The following SLC39A12 variants were observed in gnomAD, a reference collection of about 807,000 sequenced individuals.
SLC39A12 encodes the protein solute carrier family 39 member 12.
A neutral mutation model predicts 71.1 loss-of-function variants in SLC39A12; 63 were observed. The ratio of observed to expected loss-of-function variants is 0.89; its 90% CI spans 0.72 to 1.09. SLC39A12 has a LOEUF of 1.09. Among genes scored for constraint, SLC39A12 ranks in the 50% least tolerant of loss-of-function variants. SLC39A12 has a pLI of 0.00. For synonymous variants in SLC39A12, 351 were observed against 301.3 expected (o/e 1.16, Z -1.71); for missense variants, 892 against 812.6 (o/e 1.10, Z -1.19).
chr10:18,042,208 G>T (rs1217739502), intron 12 of SLC39A12, among the ~76,000 whole-genome samples: 6 of 152,114 alleles, frequency 3.9e-5, no homozygotes, highest in Non-Finnish European at 8.8e-5. Context: ...CAGGTGCAGT[G>T]GCTCACGCCT....
intron 4 of SLC39A12, among the ~76,000 whole-genome samples, chr10:17,970,224 T>C (rs143800556): frequency 3.2e-4 from 48 of 152,246 alleles, no homozygotes; most frequent in Admixed American, 5.2e-4. Flanking sequence ...GTAACGTGAT[T>C]CCTCTAGTTT....
chr10:17,999,801 C>T (rs1835782243), intron 10 of SLC39A12, among the ~76,000 whole-genome samples: 1 of 152,132 alleles, frequency 6.6e-6, no homozygotes, highest in Admixed American at 6.5e-5. Context: ...GGTCGTGGTT[C>T]CGTTGAAGTC....
chr10:18,020,829 C>T (rs1040489833), intron 12 of SLC39A12, among the ~76,000 whole-genome samples: 1 of 151,916 alleles, frequency 6.6e-6, no homozygotes, highest in African/African-American at 2.4e-5. Flanking sequence ...TTGTTTCTTG[C>T]TTGTTAATTT....
chr10:17,983,786 A>T (rs1444602168), intron 6 of SLC39A12, among the ~76,000 whole-genome samples: 1 of 152,146 alleles, frequency 6.6e-6, no homozygotes, highest in Non-Finnish European at 1.5e-5. Flanking sequence ...CATCTCAAAA[A>T]ACAAAACAAA....
intron 4 of SLC39A12, among the ~76,000 whole-genome samples, chr10:17,973,861 A>G (rs759583131): frequency 2.7e-5 from 4 of 150,930 alleles, no homozygotes; most frequent in South Asian, 4.2e-4. Flanking sequence ...TTTGAGGCCA[A>G]TAACTCAGAT....
chr10:17,996,719 CG>C (rs1178279897), intron 10 of SLC39A12, among the ~76,000 whole-genome samples: 1 of 152,150 alleles, frequency 6.6e-6, no homozygotes, highest in African/African-American at 2.4e-5. Context: ...AATGCACCGG[CG>C]GGCGCGGTGG....
At chr10:17,995,292 A>G (rs112358802) in intron 9 of SLC39A12, among the ~76,000 whole-genome samples, 43 of 152,322 alleles carry the variant, frequency 2.8e-4, no homozygotes, top group African/African-American at 1.0e-3. Context: ...ACAATCCACC[A>G]TACAGGAGAA....
intron 12 of SLC39A12, among the ~76,000 whole-genome samples, chr10:18,029,134 G>A (rs1405675450): frequency 1.3e-5 from 2 of 152,020 alleles, no homozygotes; most frequent in East Asian, 3.9e-4. Flanking sequence ...GCCTCCCAAA[G>A]TGCTGGGATT....
intron 12 of SLC39A12, among the ~76,000 whole-genome samples, chr10:18,012,736 G>A (rs192008889): frequency 2.0e-3 from 302 of 151,990 alleles, no homozygotes; most frequent in Non-Finnish European, 3.5e-3. Context: ...GCGTGGTGGC[G>A]CACACCTGTA....
intron 12 of SLC39A12, among the ~76,000 whole-genome samples, chr10:18,036,790 A>ATTTTTTTTTTTT (rs1464293480): frequency 1.4e-5 from 1 of 69,246 alleles, no homozygotes; most frequent in African/African-American, 6.1e-5. Flanking sequence ...ATATATATAT[A>ATTTTTTTTTTTT]TATATTTTTT....
chr10:17,993,222 C>T lies in SLC39A12; in HGVS notation c.1464C>T (p.His488=), dbSNP rs376476900. 5.6e-5 allele frequency: 87 copies of T among 1,551,680 alleles called. No individual in the cohort carries two copies. The highest frequency in any genetic ancestry group is 3.1e-5 in the Non-Finnish European group (35 of 1,146,962). ...TTAATGGGCACGTGGGTCATTCCCA[C>T]CATCTTGCACTCAACTCTGAATTAA... ...SLVNGHVGHS[H]HLALNSELSD... Residue 488 remains histidine, a synonymous_variant, in exon 9 of 13, where the codon CAC becomes CAT. Coordinates refer to ENST00000377369, the MANE Select transcript of SLC39A12 (RefSeq NM_001145195.2).
intron 11 of SLC39A12, chr10:18,001,827 C>G (rs1382143908): frequency 2.0e-5 from 3 of 151,954 alleles, no homozygotes; most frequent in Non-Finnish European, 4.4e-5. Context: ...TACAAACTAT[C>G]CAATTATACT....
At chr10:18,013,346 T>TTTATTA (rs35228459) in intron 12 of SLC39A12, among the ~76,000 whole-genome samples, 2,758 of 139,788 alleles carry the variant, frequency 0.02, 52 homozygotes, top group South Asian at 0.03. Context: ...TCCAACTTTA[T>TTTATTA]TTATTATTAT....
At chr10:17,996,459 A>G (rs954620452) in intron 10 of SLC39A12, among the ~76,000 whole-genome samples, 1 of 152,204 alleles carries the variant, frequency 6.6e-6, no homozygotes, top group Admixed American at 6.5e-5. Context: ...GTTATGCATC[A>G]TGATTAGTTA....
chr10:18,032,308 A>G (rs921874638), intron 12 of SLC39A12, among the ~76,000 whole-genome samples: 1 of 80,640 alleles, frequency 1.2e-5, no homozygotes, highest in Non-Finnish European at 2.3e-5. Context: ...ATTTGTTTGT[A>G]TCCTCTTTTA....
In SLC39A12 at chr10:17,953,505, A is replaced by G; in HGVS notation, c.229A>G (p.Arg77Gly). 6 of 1,614,196 alleles carry G rather than the reference A, an allele frequency of 3.7e-6. No individual in the cohort carries two copies. The highest frequency in any genetic ancestry group is 4.2e-6 in the Non-Finnish European group (5 of 1,180,046). Residue 77 changes from arginine (R) to glycine (G), a missense_variant, in exon 2 of 13, where the codon AGG becomes GGG. Transcript: ENST00000377369. ...TLLEKTGCPRRRNGMQGDCNL... is the reference protein window; with the variant it reads ...TLLEKTGCPRGRNGMQGDCNL... ...GTTGGAGAAAACTGGGTGCCCACGG[A>G]GGAGAAACGGAATGCAAGGAGATTG...
At chr10:17,968,270 G>A (rs114991951) in intron 4 of SLC39A12, among the ~76,000 whole-genome samples, 3 of 151,770 alleles carry the variant, frequency 2.0e-5, no homozygotes, top group African/African-American at 4.8e-5. Flanking sequence ...TCAATATAAC[G>A]TTAAATAATA....
At position 18,042,851 on chromosome 10, in the gene SLC39A12, C is replaced by T; in HGVS notation, c.*18C>T. 1 of 1,592,420 alleles carries T rather than the reference C, an allele frequency of 6.3e-7. No individual in the cohort carries two copies. The highest frequency in any genetic ancestry group is 8.5e-7 in the Non-Finnish European group (1 of 1,171,324). On this transcript the variant is annotated 3_prime_UTR_variant, in exon 13 of 13. Transcript: ENST00000377369. ...AAATATAAGTGAGGATCTTCAACAT[C>T]TTTCAAAAATGCATTTATATAGTCT...
At position 18,013,346 on chromosome 10, in the gene SLC39A12, T is replaced by TTTTTTATTATTATTATTA. The variant is rs57028037; in HGVS notation, c.1947+9990_1947+9991insTTTATTATTATTATTATT. Reference sequence around the variant, plus strand: ...GGTATTAGGTAAACATCCAACTTTATTTATTATTATTATTATTATTATTAT... The same window carrying TTTTTTATTATTATTATTA: ...GGTATTAGGTAAACATCCAACTTTATTTTTTATTATTATTATTATTATTATTATTATTATTATTATTAT... On this transcript the variant is annotated intron_variant, in intron 12 of 12. Coordinates refer to ENST00000377369, the MANE Select transcript of SLC39A12 (RefSeq NM_001145195.2). Among the ~76,000 whole-genome samples the TTTTTTATTATTATTATTA allele has an allele frequency of 4.0e-3, 557 of 139,834 alleles. 2 individuals carry two copies. The highest frequency in any genetic ancestry group is 5.8e-3 in the Non-Finnish European group (381 of 65,748). 91.7% of individuals were successfully genotyped at this position (139,834 alleles called of 152,430 possible). A position where few individuals can be genotyped will look rare whatever the true frequency, so the allele number is the denominator to read the frequency against.
Sources: allele counts gnomAD v4.1 joint callset (sites outside exome capture counted in the v4.1 genomes callset), GRCh38; gene constraint gnomAD v4.1.1; transcripts MANE v1.5; gene names NCBI Gene and HGNC (gene_info 2026-07-23, HGNC 2026-07-21).